The following EDRF1 variants were observed in gnomAD, a reference collection of about 807,000 sequenced individuals.
EDRF1 encodes erythroid differentiation regulatory factor 1.
In EDRF1, 69 loss-of-function variants were observed where a neutral mutation model predicts 148.7. The observed-to-expected ratio is 0.46, with a 90% CI of 0.38 to 0.57. The LOEUF (loss-of-function observed/expected upper bound fraction) is 0.57, where lower values mean the gene tolerates loss of function less well. Among genes scored for constraint, EDRF1 ranks in the 20% least tolerant of loss-of-function variants. EDRF1 has a pLI of 0.00. For missense variants in EDRF1, 1,118 were observed against 1,478.7 expected, an observed-to-expected ratio of 0.76 and a Z score of 4.00; for synonymous variants, 515 against 532.8, an observed-to-expected ratio of 0.97 and a Z score of 0.46.
chr10:125,724,010 G>T (rs1848136481), intron 4 of EDRF1, 74 bp downstream of exon 4: 1 of 1,566,168 alleles, frequency 6.4e-7, no homozygotes, highest in Non-Finnish European at 8.8e-7. Context: ...TTGTTTCAGA[G>T]AATGGCCAAA....
chr10:125,729,582 A>T, intron 8 of EDRF1, 103 bp downstream of exon 8: 1 of 1,429,468 alleles, frequency 7.0e-7, no homozygotes, highest in Non-Finnish European at 9.9e-7. Context: ...AGATCATGCT[A>T]CCGCACTCCA....
chr10:125,745,872 G>C lies in EDRF1; in HGVS notation c.2756G>C (p.Gly919Ala). 1 of 1,614,242 alleles carries C rather than the reference G, an allele frequency of 6.2e-7. No individual in the cohort carries two copies. The change falls in exon 19 of 25, where the codon GGT becomes GCT. Residue 919 changes from glycine (G) to alanine (A), a missense_variant. By Grantham distance (60) the Gly-to-Ala change is moderately conservative. Coordinates refer to ENST00000356792, the MANE Select transcript of EDRF1 (RefSeq NM_001202438.2). ...CGGATTTGTGCGCAGGCCCACTGTG[G>C]TGCAGGGGATGAACTGAAACGTGAA... ...LMRICAQAHC[G>A]AGDELKREFS... is the part of the protein sequence containing the mutation.
Position 125,730,321 on chromosome 10 carries a change from A to G in EDRF1, c.1050A>G (p.Gly350=). ...DNNKPINVLT[G]IDYWLDNLIC... Reference sequence around the variant, plus strand: ...ACAAACCAATTAATGTGCTAACTGGAATTGACTATTGGTTGGACAACTTGA... The same window carrying G: ...ACAAACCAATTAATGTGCTAACTGGGATTGACTATTGGTTGGACAACTTGA... The change falls in exon 9 of 25, where the codon GGA becomes GGG. Residue 350 remains glycine (G), a synonymous_variant. Coordinates refer to ENST00000356792, the MANE Select transcript of EDRF1 (RefSeq NM_001202438.2). The G allele has an allele frequency of 1.9e-6, 3 of 1,613,930 alleles. No individual in the cohort carries two copies. Among genetic ancestry groups the G allele is most frequent in the East Asian group, 4.5e-5 (2 of 44,862 alleles).
intron 22 of EDRF1, chr10:125,752,098 GCCCAAAGTC>G (rs1849674983): frequency 6.6e-6 from 1 of 152,212 alleles, no homozygotes; most frequent in African/African-American, 2.4e-5. Flanking sequence ...TTACCCTGGG[GCCCAAAGTC>G]CCCACAGTAA....
At chr10:125,742,268 C>G (rs1199922007) in intron 17 of EDRF1, 1 of 1,289,226 alleles carries the variant, frequency 7.8e-7, no homozygotes, top group Non-Finnish European at 1.0e-6. Flanking sequence ...AGCGATATCC[C>G]TCCCTCTTAC....
At chr10:125,736,542 T>A (rs1848744396) in intron 13 of EDRF1, among the ~76,000 whole-genome samples, 2 of 152,162 alleles carry the variant, frequency 1.3e-5, no homozygotes, top group Non-Finnish European at 2.9e-5. Context: ...TGAACTGAAA[T>A]ACAGTCGTAT....
intron 3 of EDRF1, 55 bp downstream of exon 3, chr10:125,723,189 T>C (rs1848088184): frequency 2.8e-6 from 4 of 1,439,640 alleles, no homozygotes; most frequent in Non-Finnish European, 3.9e-6. Flanking sequence ...GATAGGTGTT[T>C]TATATCATGC....
chr10:125,737,414 C>T (rs1752776244), intron 13 of EDRF1, among the ~76,000 whole-genome samples: 1 of 152,162 alleles, frequency 6.6e-6, no homozygotes, highest in African/African-American at 2.4e-5. Flanking sequence ...ACCGTGTCCT[C>T]AGACAAATTG....
intron 9 of EDRF1, among the ~76,000 whole-genome samples, chr10:125,731,498 T>C (rs969992866): frequency 6.6e-6 from 1 of 152,232 alleles, no homozygotes; most frequent in African/African-American, 2.4e-5. Flanking sequence ...AGGATTTATG[T>C]AGCAGAATAG....
At chr10:125,742,668 C>T in intron 17 of EDRF1, 1 of 985,042 alleles carries the variant, frequency 1.0e-6, no homozygotes. Context: ...TCTGTAGCAG[C>T]CTCTTCAGTG....
intron 4 of EDRF1, 101 bp downstream of exon 4, chr10:125,724,037 G>GT: frequency 7.4e-7 from 1 of 1,353,190 alleles, no homozygotes; most frequent in South Asian, 1.2e-5. Flanking sequence ...ATGTAGTTGA[G>GT]TACTTCAACA....
chr10:125,720,017 C>T (rs1434565312), intron 1 of EDRF1, 102 bp downstream of exon 1: 20 of 1,052,362 alleles, frequency 1.9e-5, no homozygotes, highest in Admixed American at 9.4e-5. Flanking sequence ...GGAGGCTTCT[C>T]CATGTTTCCC....
At chr10:125,720,027 C>T in intron 1 of EDRF1, 112 bp downstream of exon 1, 2 of 916,178 alleles carry the variant, frequency 2.2e-6, no homozygotes, top group Non-Finnish European at 3.4e-6. Flanking sequence ...CCATGTTTCC[C>T]TGACACCCCC....
At chr10:125,754,269 T>G (rs565556729) in intron 24 of EDRF1, among the ~76,000 whole-genome samples, 1 of 152,252 alleles carries the variant, frequency 6.6e-6, no homozygotes, top group East Asian at 1.9e-4. Context: ...CTGTCTTGTC[T>G]TCTATGTGGA....
chr10:125,751,815 A>G, intron 22 of EDRF1: 1 of 152,222 alleles, frequency 6.6e-6, no homozygotes, highest in Non-Finnish European at 1.5e-5. Flanking sequence ...GTACATTAAA[A>G]TCAGCCAAGG....
In EDRF1 at chr10:125,747,650, C is replaced by G. The variant is rs776235417; in HGVS notation, c.2929C>G (p.Leu977Val). 1.9e-6 allele frequency: 3 copies of G among 1,614,184 alleles called. No individual in the cohort carries two copies. The South Asian group carries it at 3.3e-5, about 18-fold the overall frequency. ...CACTACTTACTTTACTATGGCAACT[C>G]TACAGCAAGATTATGCTCCGTTATC... ...LSTTYFTMATLQQDYAPLSRK... is the reference protein window; with the variant it reads ...LSTTYFTMATVQQDYAPLSRK... Residue 977 changes from leucine to valine, a missense_variant, in exon 20 of 25, where the codon CTA (leucine) becomes GTA (valine). By Grantham distance (32) the Leu-to-Val change is conservative. This residue lies in a region of EDRF1 where 954 missense variants were observed against 1,241.4 expected (regional missense o/e 0.77). Transcript: ENST00000356792.
intron 22 of EDRF1, among the ~76,000 whole-genome samples, chr10:125,749,999 T>C (rs1043437462): frequency 6.6e-6 from 1 of 151,634 alleles, no homozygotes; most frequent in Non-Finnish European, 1.5e-5. Context: ...AAATTGGCCA[T>C]GTGTGGTGGT....
chr10:125,728,529 T>G (rs1848364183), intron 6 of EDRF1, among the ~76,000 whole-genome samples: 1 of 152,082 alleles, frequency 6.6e-6, no homozygotes, highest in South Asian at 2.1e-4. Flanking sequence ...TCTTAGGGTT[T>G]CTTTTTTTTA....
At position 125,753,843 on chromosome 10, in the gene EDRF1, A is replaced by G; in HGVS notation, c.3543A>G (p.Thr1181=). 6.2e-7 allele frequency: 1 copy of G among 1,612,476 alleles called. No individual in the cohort carries two copies. The highest frequency in any genetic ancestry group is 1.7e-5 in the Admixed American group (1 of 60,022). Residue 1181 remains threonine, a splice_region_variant and synonymous_variant, in exon 24 of 25, where the codon ACA becomes ACG. Coordinates refer to ENST00000356792, the MANE Select transcript of EDRF1 (RefSeq NM_001202438.2). ...TGCTATCTTCAACTAAAAAGAAAAC[A>G]AGGTAAATTAAGTGGTTATTTGTAG... ...IKLLSSTKKK[T]SNNIEDDTIL...
Sources: allele counts gnomAD v4.1 joint callset (sites outside exome capture counted in the v4.1 genomes callset), GRCh38; gene constraint gnomAD v4.1.1; regional missense constraint gnomAD v4.1.1; transcripts MANE v1.5; gene names NCBI Gene and HGNC (gene_info 2026-07-23, HGNC 2026-07-21).